FAF1: variants seen among roughly 807,000 people sequenced by gnomAD.
FAF1 encodes Fas associated factor 1, also known as FAS-associated factor 1.
FAF1 carries 25 observed loss-of-function variants against 92.5 expected under a neutral mutation model. The observed-to-expected ratio is 0.27, with a 90% CI of 0.20 to 0.38. The LOEUF is 0.38. Among genes scored for constraint, FAF1 ranks in the 10% least tolerant of loss-of-function variants. FAF1 has a pLI of 1.00. For missense variants in FAF1, 636 were observed against 793.3 expected, an observed-to-expected ratio of 0.80 and a Z score of 2.38; for synonymous variants, 234 against 273.2, an observed-to-expected ratio of 0.86 and a Z score of 1.42.
chr1:50,490,453 AAG>A lies in FAF1; in HGVS notation c.1653+133_1653+134del. 1.3e-5 allele frequency: 5 copies of A among 376,038 alleles called. 1 individual carries two copies. The highest frequency in any genetic ancestry group is 2.9e-5 in the East Asian group (1 of 34,516). The allele number at this position is 376,038 out of a possible 1,614,324, so 23.3% of individuals were successfully genotyped here. A position where few individuals can be genotyped will look rare whatever the true frequency, so the allele number is the denominator to read the frequency against. On this transcript the variant is annotated intron_variant, in intron 17 of 18. Coordinates refer to ENST00000396153, the MANE Select transcript of FAF1 (RefSeq NM_007051.3). ...GAAGGAAGGAAGGAAGGAAGGAAGG[AAG>A]GAAGGAAAAAGAAAGAAGGAAGGAA... is the stretch of plus-strand genomic sequence containing the variant.
At chr1:50,506,366 A>G (rs186808673) in intron 15 of FAF1, among the ~76,000 whole-genome samples, 2 of 152,216 alleles carry the variant, frequency 1.3e-5, no homozygotes, top group African/African-American at 2.4e-5. Flanking sequence ...AAGCCCTCTC[A>G]CAATTCTCAC....
intron 2 of FAF1, among the ~76,000 whole-genome samples, chr1:50,819,037 G>A (rs74080093): frequency 6.6e-6 from 1 of 152,082 alleles, no homozygotes; most frequent in East Asian, 1.9e-4. Context: ...TTTTCTACTT[G>A]TGGCATCATG....
At chr1:50,577,531 A>C (rs994950192) in intron 12 of FAF1, among the ~76,000 whole-genome samples, 12 of 152,252 alleles carry the variant, frequency 7.9e-5, no homozygotes, top group Non-Finnish European at 1.6e-4. Context: ...TCTGGAAAAG[A>C]AAAGAAAAGA....
chr1:50,457,481 G>A (rs1407529276), intron 18 of FAF1, among the ~76,000 whole-genome samples: 2 of 152,150 alleles, frequency 1.3e-5, no homozygotes, highest in African/African-American at 4.8e-5. Context: ...CAGACTTTAA[G>A]TGAGCAAAGC....
At chr1:50,556,808 G>C (rs1649605543) in intron 13 of FAF1, among the ~76,000 whole-genome samples, 1 of 151,828 alleles carries the variant, frequency 6.6e-6, no homozygotes, top group African/African-American at 2.4e-5. Context: ...CTGCATTCCA[G>C]CCTGGGCACC....
intron 18 of FAF1, among the ~76,000 whole-genome samples, chr1:50,472,528 G>A (rs1448795521): frequency 6.6e-6 from 1 of 152,036 alleles, no homozygotes; most frequent in Non-Finnish European, 1.5e-5. Context: ...TCAGTTCAGG[G>A]AATTATGCTC....
At chr1:50,795,940 T>A (rs1297075196) in intron 3 of FAF1, among the ~76,000 whole-genome samples, 1 of 151,990 alleles carries the variant, frequency 6.6e-6, no homozygotes, top group Non-Finnish European at 1.5e-5. Flanking sequence ...GGAGATTTTC[T>A]GGGGCATGTC....
chr1:50,921,568 C>T lies in FAF1; in HGVS notation c.45+38199G>A, dbSNP rs150022925. Among the ~76,000 whole-genome samples the T allele has an allele frequency of 6.6e-3, 1,004 of 152,122 alleles. 4 individuals are homozygous for T. The highest frequency in any genetic ancestry group is 0.011 in the Non-Finnish European group (735 of 67,982). On this transcript the variant is annotated intron_variant, in intron 1 of 18. Coordinates refer to ENST00000396153, the MANE Select transcript of FAF1 (RefSeq NM_007051.3). ...TTTGAGCCCAGGAGTTCGAGACCAG[C>T]CTGGGTAACATGGTGAAATCCTGTC... is the stretch of plus-strand genomic sequence containing the variant.
At chr1:50,494,299 C>A (rs1056301131) in intron 15 of FAF1, among the ~76,000 whole-genome samples, 1 of 152,094 alleles carries the variant, frequency 6.6e-6, no homozygotes, top group African/African-American at 2.4e-5. Flanking sequence ...TAGAAAATCC[C>A]AGGTATTGTG....
intron 18 of FAF1, among the ~76,000 whole-genome samples, chr1:50,444,243 T>C (rs1572745025): frequency 6.6e-6 from 1 of 152,134 alleles, no homozygotes; most frequent in African/African-American, 2.4e-5. Flanking sequence ...CTGGGCCCCA[T>C]TCAAGAAGGA....
intron 7 of FAF1, among the ~76,000 whole-genome samples, chr1:50,668,699 G>A (rs532821946): frequency 4.9e-4 from 74 of 152,112 alleles, no homozygotes; most frequent in Non-Finnish European, 9.7e-4. Context: ...AGCTCCATAC[G>A]ACTGGCCTTT....
At chr1:50,836,177 T>G (rs1230670805) in intron 2 of FAF1, among the ~76,000 whole-genome samples, 55 of 140,370 alleles carry the variant, frequency 3.9e-4, no homozygotes, top group Admixed American at 2.5e-3. Context: ...TCTGTTTTTT[T>G]TTTTTTTTTT....
chr1:50,952,945 A>C (rs1645231656), intron 1 of FAF1, among the ~76,000 whole-genome samples: 1 of 152,256 alleles, frequency 6.6e-6, no homozygotes, highest in African/African-American at 2.4e-5. Flanking sequence ...GGTTTTGTCG[A>C]ATAGAAAAGG....
intron 2 of FAF1, chr1:50,846,511 C>G: frequency 2.0e-6 from 1 of 495,834 alleles, no homozygotes; most frequent in Non-Finnish European, 4.0e-6. Context: ...AGCCATGCCG[C>G]GGCCAGACTG....
rs147846559 is a variant in FAF1 at position 50,846,844 on chromosome 1, A to G, written c.114+11085T>C. 1.0e-3 allele frequency: 616 copies of G among 589,000 alleles called. 3 individuals carry two copies. In the African/African-American group the frequency reaches 0.011, roughly 11 times the overall value. 36.5% of individuals were successfully genotyped at this position (589,000 alleles called of 1,614,324 possible). On this transcript the variant is annotated intron_variant, in intron 2 of 18. Transcript: ENST00000396153. ...TACACAAAGAAGAGGAAGAAGTGAGAAGATTCACCAGGAATTAGCCTTATA... is the reference window on the plus strand; with the variant it reads ...TACACAAAGAAGAGGAAGAAGTGAGGAGATTCACCAGGAATTAGCCTTATA...
At chr1:50,485,687 A>C (rs1253561151) in intron 17 of FAF1, among the ~76,000 whole-genome samples, 2 of 150,384 alleles carry the variant, frequency 1.3e-5, no homozygotes, top group African/African-American at 2.4e-5. Context: ...AAAAAAAAAA[A>C]AAAAAAAAAC....
intron 13 of FAF1, among the ~76,000 whole-genome samples, chr1:50,564,371 A>G (rs1430451843): frequency 6.6e-6 from 1 of 152,116 alleles, no homozygotes; most frequent in South Asian, 2.1e-4. Context: ...CCAAACTTAC[A>G]TCTATCATAA....
Position 50,475,668 on chromosome 1 carries a change from C to G in FAF1, c.1665G>C (p.Leu555=). ...EQEEEREAIR[L]SLEQALPPEP... is the part of the protein sequence containing the mutation. ...CAGGAGGCAGGGCTTGCTCTAAGGA[C>G]AGCCGGATGGCCTAGGGAGAGCAAA... is the stretch of plus-strand genomic sequence containing the variant. The change falls in exon 18 of 19, where the codon CTG becomes CTC. Residue 555 remains leucine (L), a synonymous_variant. Transcript: ENST00000396153. The G allele has an allele frequency of 6.2e-7, 1 of 1,613,480 alleles. No individual in the cohort carries two copies.
chr1:50,910,280 T>C (rs1340365932), intron 1 of FAF1, among the ~76,000 whole-genome samples: 1 of 152,222 alleles, frequency 6.6e-6, no homozygotes, highest in East Asian at 1.9e-4. Flanking sequence ...GAATGAGGTG[T>C]CAGTCAGCCC....
Sources: allele counts gnomAD v4.1 joint callset (sites outside exome capture counted in the v4.1 genomes callset), GRCh38; gene constraint gnomAD v4.1.1; transcripts MANE v1.5; gene names NCBI Gene and HGNC (gene_info 2026-07-23, HGNC 2026-07-21).